The following HIPK4 variants were observed in gnomAD, a reference collection of about 807,000 sequenced individuals.
The protein encoded by HIPK4 is homeodomain interacting protein kinase 4.
HIPK4 carries 26 observed loss-of-function variants against 44.8 expected under a neutral mutation model. That is an observed-to-expected ratio of 0.58 (90% CI 0.43 to 0.80). The LOEUF is 0.80. Among genes scored for constraint, HIPK4 ranks in the 30% least tolerant of loss-of-function variants. The pLI is 0.00. For synonymous variants in HIPK4, 340 were observed against 355.5 expected, an observed-to-expected ratio of 0.96 and a Z score of 0.49; for missense variants, 729 against 862.6, an observed-to-expected ratio of 0.85 and a Z score of 1.94.
At position 40,389,776 on chromosome 19, in the gene HIPK4, T is replaced by C; in HGVS notation, c.127A>G (p.Lys43Glu). 6.2e-7 allele frequency: 1 copy of C among 1,614,162 alleles called. No individual in the cohort carries two copies. The change falls in exon 1 of 4, where the codon AAG becomes GAG. Residue 43 changes from lysine (K) to glutamate (E), a missense_variant. Transcript: ENST00000291823. This position sits in a 1 kb window ranked among gnomAD's most constrained non-coding sequence, Gnocchi z 4.6. Reference sequence around the variant, plus strand: ...ATGCGGTTGCGGTAGGCGTCATTCTTGAGGATCTTGATGGCCACCATCTCG... The same window carrying C: ...ATGCGGTTGCGGTAGGCGTCATTCTCGAGGATCTTGATGGCCACCATCTCG... ...TGEMVAIKIL[K>E]NDAYRNRIIK...
chr19:40,383,850 T>C lies in HIPK4; in HGVS notation c.755A>G (p.Asn252Ser). ...GGGGTTGGCAGCGTCAGGGTGGGGG[T>C]TGCGCTTGAAGAAGTGGTGGGCCTT... ...ACKAHHFFKRNPHPDAANPWQ... is the reference protein window; with the variant it reads ...ACKAHHFFKRSPHPDAANPWQ... The change falls in exon 2 of 4, where the codon AAC becomes AGC. Residue 252 changes from asparagine to serine, a missense_variant. Around this residue, in one of 2 missense-constraint regions of HIPK4, gnomAD observed 533 missense variants for 567.5 expected, o/e 0.94. Coordinates refer to ENST00000291823, the MANE Select transcript of HIPK4 (RefSeq NM_144685.5). 1.2e-6 allele frequency: 2 copies of C among 1,613,478 alleles called. No individual in the cohort carries two copies. The highest frequency in any genetic ancestry group is 1.1e-5 in the South Asian group (1 of 91,042).
In HIPK4 at chr19:40,384,233, G is replaced by T. The variant is rs1424784155; in HGVS notation, c.466-94C>A. 6 of 900,400 alleles carry T rather than the reference G, an allele frequency of 6.7e-6. No individual in the cohort carries two copies. In the East Asian group the frequency reaches 1.5e-4, roughly 22 times the overall value. 55.8% of individuals were successfully genotyped at this position (900,400 alleles called of 1,614,324 possible). ...GGCATCTTTCACCTGGCATCTTCCT[G>T]CATCTGCTATTTGACTCTGGCCATC... is the stretch of plus-strand genomic sequence containing the variant. On this transcript the variant is annotated intron_variant, in intron 1 of 3. Transcript: ENST00000291823.
chr19:40,381,625 C>T (rs1377323982), intron 2 of HIPK4, among the ~76,000 whole-genome samples: 1 of 152,090 alleles, frequency 6.6e-6, no homozygotes, highest in East Asian at 1.9e-4. Context: ...CATCCAGACC[C>T]TTCTTGCTGT....
At chr19:40,388,508 C>G (rs761884891) in intron 1 of HIPK4, among the ~76,000 whole-genome samples, 15 of 152,158 alleles carry the variant, frequency 9.9e-5, no homozygotes, top group Non-Finnish European at 2.1e-4. Flanking sequence ...TGCTGTGGAT[C>G]CGTCCTGTCT....
Position 40,380,548 on chromosome 19 carries a change from G to T in HIPK4, c.1443C>A (p.Arg481=). Residue 481 remains arginine (R), a synonymous_variant, in exon 3 of 4, where the codon CGC becomes CGA. Coordinates refer to ENST00000291823, the MANE Select transcript of HIPK4 (RefSeq NM_144685.5). The surrounding 1 kb of genome is among the most constrained non-coding windows in gnomAD (Gnocchi z 4.2). The stretch of plus-strand genomic sequence containing the variant: ...TGCGGGCCTTGTGGCGGCCTGCCAG[G>T]CGGCTGCTGTAGAAGGCCAGGATGG... ...PEPILAFYSS[R]LAGRHKARKP... 1 of 1,611,816 alleles carries T rather than the reference G, an allele frequency of 6.2e-7. No homozygotes were observed.
intron 1 of HIPK4, among the ~76,000 whole-genome samples, chr19:40,387,651 G>T (rs891861012): frequency 6.6e-6 from 1 of 151,876 alleles, no homozygotes; most frequent in African/African-American, 2.4e-5. Context: ...GCTAAGTTTT[G>T]TATTTTTAAT....
chr19:40,382,457 T>C (rs1201160447), intron 2 of HIPK4, among the ~76,000 whole-genome samples: 4 of 152,142 alleles, frequency 2.6e-5, no homozygotes, highest in Non-Finnish European at 5.9e-5. Context: ...CTAATCCCTC[T>C]TGCCACACAA....
chr19:40,383,732 T>G, intron 2 of HIPK4, 51 bp downstream of exon 2: 2 of 1,440,264 alleles, frequency 1.4e-6, no homozygotes, highest in South Asian at 1.3e-5. Flanking sequence ...TAGAATTTTT[T>G]TTCATGTAAC....
At chr19:40,383,719 C>T (rs1483866822) in intron 2 of HIPK4, 64 bp downstream of exon 2, 13 of 1,306,730 alleles carry the variant, frequency 9.9e-6, no homozygotes, top group Non-Finnish European at 1.4e-5. Context: ...ACGTTGCCCA[C>T]CCTAGAATTT....
Position 40,379,541 on chromosome 19 carries a change from G to T in HIPK4, c.*46C>A. 1 of 1,435,032 alleles carries T rather than the reference G, an allele frequency of 7.0e-7. No homozygotes were observed. Among genetic ancestry groups the T allele is most frequent in the Non-Finnish European group, 9.2e-7 (1 of 1,084,906 alleles). The allele number at this position is 1,435,032 out of a possible 1,614,324, so 88.9% of individuals were successfully genotyped here. A position where few individuals can be genotyped will look rare whatever the true frequency, so the allele number is the denominator to read the frequency against. ...CAGTTCAGGTTGGGAGGGAATGCCA[G>T]CCCAGCTAGCGCAGCCCCCAGTGAT... is the stretch of plus-strand genomic sequence containing the variant. On this transcript the variant is annotated 3_prime_UTR_variant, in exon 4 of 4. Transcript: ENST00000291823.
Position 40,379,425 on chromosome 19 carries a change from A to G in HIPK4, c.*162T>C, listed in dbSNP as rs2079317245. 1 of 648,068 alleles carries G rather than the reference A, an allele frequency of 1.5e-6. No homozygotes were observed. The highest frequency in any genetic ancestry group is 2.5e-6 in the Non-Finnish European group (1 of 393,218). 40.1% of individuals were successfully genotyped at this position (648,068 alleles called of 1,614,324 possible). Reference sequence around the variant, plus strand: ...CTGTGTTTAGGAGAGGTGTGCAGGCACGCACCGCACCGCAGACGGGGAATG... The same window carrying G: ...CTGTGTTTAGGAGAGGTGTGCAGGCGCGCACCGCACCGCAGACGGGGAATG... On this transcript the variant is annotated 3_prime_UTR_variant, in exon 4 of 4. Coordinates refer to ENST00000291823, the MANE Select transcript of HIPK4 (RefSeq NM_144685.5).
chr19:40,390,031 C>G lies in HIPK4; in HGVS notation c.-129G>C. ...GGAAAGAGAACCGCACTCGTGTCTC[C>G]TCCTATGAGGTTGGCCCCTGCTTCC... On this transcript the variant is annotated 5_prime_UTR_variant, in exon 1 of 4. Coordinates refer to ENST00000291823, the MANE Select transcript of HIPK4 (RefSeq NM_144685.5). 1.5e-6 allele frequency: 1 copy of G among 686,344 alleles called. No homozygotes were observed. Among genetic ancestry groups the G allele is most frequent in the East Asian group, 2.7e-5 (1 of 36,858 alleles). The allele number at this position is 686,344 out of a possible 1,614,324, so 42.5% of individuals were successfully genotyped here. A position where few individuals can be genotyped will look rare whatever the true frequency, so the allele number is the denominator to read the frequency against.
chr19:40,387,863 G>T (rs555586846), intron 1 of HIPK4, among the ~76,000 whole-genome samples: 2 of 151,354 alleles, frequency 1.3e-5, no homozygotes, highest in Non-Finnish European at 2.9e-5. Flanking sequence ...AGACAGAGTC[G>T]AGCTCTGTCG....
At position 40,389,697 on chromosome 19, in the gene HIPK4, T is replaced by A. The variant is rs1185228571; in HGVS notation, c.206A>T (p.Glu69Val). The change falls in exon 1 of 4, where the codon GAG (glutamate) becomes GTG (valine). Residue 69 changes from glutamate (E) to valine (V), a missense_variant. This residue lies in a region of HIPK4 where 196 missense variants were observed against 295.1 expected (regional missense o/e 0.66). Coordinates refer to ENST00000291823, the MANE Select transcript of HIPK4 (RefSeq NM_144685.5). This position sits in a 1 kb window ranked among gnomAD's most constrained non-coding sequence, Gnocchi z 4.6. ...CTCAAGGAAGCGGATGACGTGGGCC[T>A]CTTCAGGGTCTAGGCCTCGCATGCA... ...LHCMRGLDPE[E>V]AHVIRFLEFF... 6.2e-7 allele frequency: 1 copy of A among 1,614,090 alleles called. No homozygotes were observed. Among genetic ancestry groups the A allele is most frequent in the Non-Finnish European group, 8.5e-7 (1 of 1,180,028 alleles).
Position 40,383,942 on chromosome 19 carries a change from G to T in HIPK4, c.663C>A (p.Tyr221Ter). 6.2e-7 allele frequency: 1 copy of T among 1,614,122 alleles called. No homozygotes were observed. Among genetic ancestry groups the T allele is most frequent in the Admixed American group, 1.7e-5 (1 of 60,012 alleles). ...GWPLYPGNNE[Y>*]DQVRYICETQ... ...TTTCGCAGATGTAGCGCACCTGGTCGTACTCGTTGTTGCCGGGGTAGAGAG... is the reference window on the plus strand; with the variant it reads ...TTTCGCAGATGTAGCGCACCTGGTCTTACTCGTTGTTGCCGGGGTAGAGAG... Residue 221 changes from tyrosine (Y) to a stop codon, truncating the protein, a stop_gained, in exon 2 of 4, where the codon TAC becomes TAA. Transcript: ENST00000291823. LOFTEE classifies it high-confidence loss of function.
chr19:40,381,783 C>CATT (rs1568694444), intron 2 of HIPK4, among the ~76,000 whole-genome samples: 1 of 113,288 alleles, frequency 8.8e-6, no homozygotes, highest in East Asian at 2.4e-4. Flanking sequence ...TCACTCAGAT[C>CATT]CTTTTTTTTT....
In HIPK4 at chr19:40,389,058, C is replaced by G. The variant is rs1312743027; in HGVS notation, c.465+380G>C. The stretch of plus-strand genomic sequence containing the variant: ...TTAGCCGGGCATGGGTGGCGGGCAC[C>G]TGTATTCCCAGCTACTCAGGAGGCT... On this transcript the variant is annotated intron_variant, in intron 1 of 3. Coordinates refer to ENST00000291823, the MANE Select transcript of HIPK4 (RefSeq NM_144685.5). The surrounding 1 kb of genome is among the most constrained non-coding windows in gnomAD (Gnocchi z 4.6). 6.6e-6 allele frequency among the ~76,000 whole-genome samples: 1 copy of G among 152,090 alleles called. No homozygotes were observed. Among genetic ancestry groups the G allele is most frequent in the East Asian group, 1.9e-4 (1 of 5,174 alleles).
Position 40,381,069 on chromosome 19 carries a change from G to T in HIPK4, c.922C>A (p.Arg308=). 1 of 1,612,998 alleles carries T rather than the reference G, an allele frequency of 6.2e-7. No individual in the cohort carries two copies. Among genetic ancestry groups the T allele is most frequent in the South Asian group, 1.1e-5 (1 of 91,074 alleles). The change falls in exon 3 of 4, where the codon CGG becomes AGG. Residue 308 remains arginine, a synonymous_variant. Transcript: ENST00000291823. The stretch of plus-strand genomic sequence containing the variant: ...TCGGCGTGCTCCGCCAGCGCCTCCC[G>T]GTCAGGGAAGGTTAGCCGACTGGCC... ...SVASRLTFPD[R]EALAEHADLK...
At position 40,379,727 on chromosome 19, in the gene HIPK4, C is replaced by G; in HGVS notation, c.1711G>C (p.Glu571Gln). 1 of 1,611,902 alleles carries G rather than the reference C, an allele frequency of 6.2e-7. No individual in the cohort carries two copies. The highest frequency in any genetic ancestry group is 8.5e-7 in the Non-Finnish European group (1 of 1,179,438). ...GTGCAGTCTGGCTCACTCAGCCATT[C>G]TCCAGGACAGCTGCTGGGGTCGAAG... Reference protein sequence around the residue: ...ELFDPSSCPGEWLSEPDCTLE... With the variant: ...ELFDPSSCPGQWLSEPDCTLE... The change falls in exon 4 of 4, where the codon GAA (glutamate) becomes CAA (glutamine). Residue 571 changes from glutamate to glutamine, a missense_variant. Physicochemically the swap from Glu to Gln is conservative, Grantham distance 29. Coordinates refer to ENST00000291823, the MANE Select transcript of HIPK4 (RefSeq NM_144685.5).
Sources: allele counts gnomAD v4.1 joint callset (sites outside exome capture counted in the v4.1 genomes callset), GRCh38; gene constraint gnomAD v4.1.1; regional missense constraint gnomAD v4.1.1; non-coding constraint Gnocchi (gnomAD v3.1); transcripts MANE v1.5; gene names NCBI Gene and HGNC (gene_info 2026-07-23, HGNC 2026-07-21).